CHSY3: variants seen among roughly 807,000 people sequenced by gnomAD.
CHSY3 encodes the protein N-acetylgalactosaminyl-proteoglycan 3-beta-glucuronosyltransferase 3.
CHSY3 carries 35 observed loss-of-function variants against 67.2 expected under a neutral mutation model. The observed-to-expected ratio is 0.52, with a 90% CI of 0.40 to 0.69. CHSY3 has a LOEUF of 0.69. CHSY3 is among the 30% of genes least tolerant of loss of function. The pLI is 0.00. For synonymous variants in CHSY3, 474 were observed against 434.7 expected (o/e 1.09, Z -1.12); for missense variants, 1,069 against 1,138.5 (o/e 0.94, Z 0.88).
At chr5:130,124,454 G>A (rs945971078) in intron 2 of CHSY3, among the ~76,000 whole-genome samples, 6 of 149,040 alleles carry the variant, frequency 4.0e-5, no homozygotes, top group South Asian at 4.2e-4. Context: ...CATACAGAGC[G>A]AACTTTTTTT....
At chr5:130,112,528 C>G (rs1223554125) in intron 2 of CHSY3, among the ~76,000 whole-genome samples, 2 of 152,094 alleles carry the variant, frequency 1.3e-5, no homozygotes, top group Non-Finnish European at 2.9e-5. Flanking sequence ...TACACCACCT[C>G]TCTAAATTAG....
At chr5:130,077,323 T>C (rs960538382) in intron 2 of CHSY3, among the ~76,000 whole-genome samples, 1 of 152,044 alleles carries the variant, frequency 6.6e-6, no homozygotes, top group Non-Finnish European at 1.5e-5. Context: ...GTAATGTATA[T>C]AGACAGTCCC....
intron 2 of CHSY3, among the ~76,000 whole-genome samples, chr5:130,170,994 C>T (rs553741590): frequency 7.2e-5 from 11 of 152,070 alleles, no homozygotes; most frequent in Admixed American, 7.2e-4. Flanking sequence ...TGAAGGGAGT[C>T]GTTATGTTGG....
chr5:130,034,773 A>G (rs1764802300), intron 2 of CHSY3, among the ~76,000 whole-genome samples: 1 of 152,178 alleles, frequency 6.6e-6, no homozygotes, highest in African/African-American at 2.4e-5. Flanking sequence ...ATTTTAAATC[A>G]GGAAGTTGTC....
At chr5:130,069,317 A>G (rs1264317517) in intron 2 of CHSY3, among the ~76,000 whole-genome samples, 1 of 152,004 alleles carries the variant, frequency 6.6e-6, no homozygotes, top group Non-Finnish European at 1.5e-5. Flanking sequence ...GAAATGAAAC[A>G]TACATTCCAA....
intron 2 of CHSY3, among the ~76,000 whole-genome samples, chr5:130,125,452 T>TAGATAGATAGATAGATAGATAGACAGAC (rs1200470666): frequency 1.3e-5 from 2 of 151,800 alleles, no homozygotes; most frequent in African/African-American, 2.4e-5. Context: ...GATAGATAGA[T>TAGATAGATAGATAGATAGATAGACAGAC]AGACAGACAG....
Position 130,184,230 on chromosome 5 carries a change from T to C in CHSY3, c.1088T>C (p.Met363Thr). 1 of 1,496,234 alleles carries C rather than the reference T, an allele frequency of 6.7e-7. No homozygotes were observed. Among genetic ancestry groups the C allele is most frequent in the Non-Finnish European group, 8.9e-7 (1 of 1,121,202 alleles). 92.7% of individuals were successfully genotyped at this position (1,496,234 alleles called of 1,614,324 possible). ...GGTQCVWSYE[M>T]QQLFHENYEH... is the part of the protein sequence containing the mutation. ...GATTTTTTTAATTTTACTTTTCAGA[T>C]GCAACAACTGTTCCATGAAAATTAT... The change falls in exon 3 of 3, where the codon ATG becomes ACG. Residue 363 changes from methionine (M) to threonine (T), a missense_variant and splice_region_variant. Coordinates refer to ENST00000305031, the MANE Select transcript of CHSY3 (RefSeq NM_175856.5).
At chr5:130,086,318 G>A (rs375121059) in intron 2 of CHSY3, among the ~76,000 whole-genome samples, 2 of 151,922 alleles carry the variant, frequency 1.3e-5, no homozygotes, top group Non-Finnish European at 2.9e-5. Flanking sequence ...TATATATTTA[G>A]GATAGTTAGC....
intron 2 of CHSY3, among the ~76,000 whole-genome samples, chr5:130,052,907 G>C (rs1299862870): frequency 6.6e-6 from 1 of 152,032 alleles, no homozygotes; most frequent in African/African-American, 2.4e-5. Flanking sequence ...AAACAGGAAT[G>C]CCCAGAAGAG....
At chr5:130,121,109 T>C (rs1274423971) in intron 2 of CHSY3, among the ~76,000 whole-genome samples, 1 of 152,152 alleles carries the variant, frequency 6.6e-6, no homozygotes, top group Non-Finnish European at 1.5e-5. Context: ...GGGCTGTGTC[T>C]TTATAGTGGT....
chr5:129,969,517 A>ATAC (rs1421860958), intron 2 of CHSY3, among the ~76,000 whole-genome samples: 2 of 151,890 alleles, frequency 1.3e-5, no homozygotes, highest in Non-Finnish European at 2.9e-5. Context: ...TTAATTTGAA[A>ATAC]TACTGCATGA....
In CHSY3 at chr5:129,904,881, C is replaced by T. The variant is rs755888243; in HGVS notation, c.52C>T (p.Leu18=). The change falls in exon 1 of 3, where the codon CTG becomes TTG. Residue 18 remains leucine, a synonymous_variant. Coordinates refer to ENST00000305031, the MANE Select transcript of CHSY3 (RefSeq NM_175856.5). ...GATGAGCGTGGCATTAGGGCTGGTGCTGGGCTTCACCGCCGCGTCCTGGCT... is the reference window on the plus strand; with the variant it reads ...GATGAGCGTGGCATTAGGGCTGGTGTTGGGCTTCACCGCCGCGTCCTGGCT... ...PWMSVALGLV[L]GFTAASWLIA... is the part of the protein sequence containing the mutation. The T allele has an allele frequency of 1.1e-5, 17 of 1,519,282 alleles. No individual in the cohort carries two copies. In the African/African-American group the frequency reaches 1.8e-4, roughly 16 times the overall value. The allele number at this position is 1,519,282 out of a possible 1,614,324, so 94.1% of individuals were successfully genotyped here. A position where few individuals can be genotyped will look rare whatever the true frequency, so the allele number is the denominator to read the frequency against.
chr5:130,111,104 C>T (rs1767579760), intron 2 of CHSY3, among the ~76,000 whole-genome samples: 1 of 152,040 alleles, frequency 6.6e-6, no homozygotes, highest in Non-Finnish European at 1.5e-5. Context: ...GTAGGCTAGG[C>T]TCACTGATGA....
intron 2 of CHSY3, among the ~76,000 whole-genome samples, chr5:130,008,725 G>T (rs1208023736): frequency 6.6e-6 from 1 of 152,182 alleles, no homozygotes; most frequent in Non-Finnish European, 1.5e-5. Flanking sequence ...CTACTGAAAT[G>T]ATTTAAATGC....
intron 2 of CHSY3, among the ~76,000 whole-genome samples, chr5:129,913,110 A>C (rs1437198959): frequency 6.6e-6 from 1 of 152,214 alleles, no homozygotes; most frequent in East Asian, 1.9e-4. Context: ...TATGGCTCTT[A>C]AACACTGTTT....
chr5:130,094,485 A>G (rs1010666684), intron 2 of CHSY3, among the ~76,000 whole-genome samples: 8 of 152,124 alleles, frequency 5.3e-5, no homozygotes, highest in African/African-American at 1.9e-4. Flanking sequence ...TCCAAACCAT[A>G]TACAGGATAT....
At chr5:130,119,423 T>C (rs1404266733) in intron 2 of CHSY3, among the ~76,000 whole-genome samples, 1 of 152,190 alleles carries the variant, frequency 6.6e-6, no homozygotes. Flanking sequence ...ACATCCTAAC[T>C]GTTTCTTTGT....
chr5:130,045,722 T>G (rs1465359865), intron 2 of CHSY3, among the ~76,000 whole-genome samples: 1 of 152,122 alleles, frequency 6.6e-6, no homozygotes, highest in African/African-American at 2.4e-5. Flanking sequence ...ATTCTTCTTC[T>G]AATTTGCCTC....
At chr5:129,964,883 G>T (rs1247357775) in intron 2 of CHSY3, among the ~76,000 whole-genome samples, 1 of 151,670 alleles carries the variant, frequency 6.6e-6, no homozygotes, top group African/African-American at 2.4e-5. Context: ...AAACACAAAA[G>T]GTTCTTGATT....
Sources: gnomAD v4.1 joint callset for allele counts (sites outside exome capture counted in the v4.1 genomes callset) on GRCh38, gnomAD v4.1.1 for gene constraint, MANE v1.5 for transcripts, NCBI Gene and HGNC (gene_info 2026-07-23, HGNC 2026-07-21) for gene names.